Variants in AHCTF1 observed in about 807,000 individuals in gnomAD.
AHCTF1 encodes the protein protein ELYS.
AHCTF1 carries 24 observed loss-of-function variants against 248.4 expected under a neutral mutation model. The observed-to-expected ratio is 0.10, with a 90% CI of 0.07 to 0.14. The LOEUF is 0.14. Among genes scored for constraint, AHCTF1 ranks in the 10% least tolerant of loss-of-function variants. The pLI, the probability that AHCTF1 is intolerant of heterozygous loss-of-function variation, is 1.00. For synonymous variants in AHCTF1, 786 were observed against 929.8 expected, an observed-to-expected ratio of 0.85 and a Z score of 2.81; for missense variants, 2,206 against 2,636.2, an observed-to-expected ratio of 0.84 and a Z score of 3.57.
chr1:246,930,445 T>C (rs1284368983), intron 1 of AHCTF1, among the ~76,000 whole-genome samples: 2 of 152,194 alleles, frequency 1.3e-5, no homozygotes, highest in East Asian at 1.9e-4. Context: ...CCCATAGCGC[T>C]TGGCACACTT....
chr1:246,869,202 T>C (rs1035047521), intron 24 of AHCTF1, among the ~76,000 whole-genome samples: 5 of 152,160 alleles, frequency 3.3e-5, no homozygotes, highest in Non-Finnish European at 5.9e-5. Context: ...CCAGCAAGTC[T>C]ACTGGCACCA....
intron 29 of AHCTF1, among the ~76,000 whole-genome samples, chr1:246,860,070 G>A (rs566580911): frequency 1.3e-5 from 2 of 152,130 alleles, no homozygotes; most frequent in Admixed American, 1.3e-4. Context: ...GACCAGCCTG[G>A]CCAATATGGT....
intron 20 of AHCTF1, among the ~76,000 whole-genome samples, chr1:246,886,530 A>C (rs933142647): frequency 3.9e-5 from 6 of 152,154 alleles, no homozygotes; most frequent in Non-Finnish European, 8.8e-5. Flanking sequence ...TAATTGTTAT[A>C]GTGTAACATC....
intron 21 of AHCTF1, among the ~76,000 whole-genome samples, chr1:246,882,674 C>G (rs1663534637): frequency 6.6e-6 from 1 of 152,138 alleles, no homozygotes; most frequent in African/African-American, 2.4e-5. Context: ...GATTTTTTGG[C>G]TTTCTTGTAC....
At chr1:246,869,983 T>C (rs1662458059) in intron 24 of AHCTF1, among the ~76,000 whole-genome samples, 2 of 152,214 alleles carry the variant, frequency 1.3e-5, no homozygotes. Flanking sequence ...CCATTCTAGA[T>C]GCCATTCAGC....
At chr1:246,892,221 A>G (rs1453243030) in intron 14 of AHCTF1, among the ~76,000 whole-genome samples, 1 of 152,020 alleles carries the variant, frequency 6.6e-6, no homozygotes, top group African/African-American at 2.4e-5. Flanking sequence ...AGTTACATCA[A>G]TATTTAATGT....
chr1:246,872,526 T>A lies in AHCTF1; in HGVS notation c.3088+3511A>T, dbSNP rs534795072. On this transcript the variant is annotated intron_variant, in intron 24 of 35. Coordinates refer to ENST00000648844, the MANE Select transcript of AHCTF1 (RefSeq NM_001323342.2). ...GAGTGACAACAGAACTGCCTTCATT[T>A]ACAAAGTTACTTAGGGGGTGTCCTC... Among the ~76,000 whole-genome samples, 3 of 152,324 alleles carry A rather than the reference T, an allele frequency of 2.0e-5. No homozygotes were observed. The South Asian group carries it at 6.2e-4, about 32-fold the overall frequency.
chr1:246,925,218 T>A (rs995404606), intron 1 of AHCTF1, among the ~76,000 whole-genome samples: 2 of 152,054 alleles, frequency 1.3e-5, no homozygotes, highest in Non-Finnish European at 2.9e-5. Context: ...TTCAGAAGAG[T>A]GCTAATGGAT....
chr1:246,857,657 C>G (rs1661199938), intron 30 of AHCTF1, 34 bp downstream of exon 30: 1 of 1,572,276 alleles, frequency 6.4e-7, no homozygotes, highest in South Asian at 1.2e-5. Context: ...AAACTTCTTT[C>G]TAAAAGTATT....
chr1:246,852,781 A>G (rs1660808664), intron 32 of AHCTF1, among the ~76,000 whole-genome samples: 2 of 152,088 alleles, frequency 1.3e-5, no homozygotes, highest in African/African-American at 4.8e-5. Flanking sequence ...TCCCTGAGAC[A>G]GGATTTTGTT....
Position 246,860,988 on chromosome 1 carries a change from G to A in AHCTF1, c.4043C>T (p.Thr1348Ile). Residue 1348 changes from threonine (T) to isoleucine (I), a missense_variant, in exon 29 of 36, where the codon ACT becomes ATT. This residue lies in a region of AHCTF1 where 955 missense variants were observed against 1,055.6 expected (regional missense o/e 0.90). Coordinates refer to ENST00000648844, the MANE Select transcript of AHCTF1 (RefSeq NM_001323342.2). ...TTCAGTTTGTTCAGTTACATTAGTA[G>A]TTAGTGCAGTGGAAGAGCTTTTGGG... Reference protein sequence around the residue: ...SKPKSSSTALTTNVTEQTEKD... With the variant: ...SKPKSSSTALITNVTEQTEKD... 6.2e-7 allele frequency: 1 copy of A among 1,613,930 alleles called. No homozygotes were observed. Among genetic ancestry groups the A allele is most frequent in the Non-Finnish European group, 8.5e-7 (1 of 1,179,856 alleles).
At chr1:246,897,062 C>T (rs1022206848) in intron 12 of AHCTF1, among the ~76,000 whole-genome samples, 7 of 152,116 alleles carry the variant, frequency 4.6e-5, no homozygotes, top group Non-Finnish European at 7.3e-5. Context: ...ACCTGTAATC[C>T]CAGCACTTTG....
chr1:246,922,765 G>T (rs1387507905), intron 1 of AHCTF1, among the ~76,000 whole-genome samples: 2 of 149,966 alleles, frequency 1.3e-5, no homozygotes, highest in Admixed American at 6.6e-5. Context: ...GGCGGATCAC[G>T]AGGTCAGGAG....
intron 21 of AHCTF1, among the ~76,000 whole-genome samples, chr1:246,884,270 G>C (rs1482660154): frequency 1.3e-5 from 2 of 152,110 alleles, no homozygotes; most frequent in Non-Finnish European, 2.9e-5. Flanking sequence ...ATTTCAACAA[G>C]CACTTGCTAA....
At chr1:246,865,984 A>G (rs2103076661) in intron 26 of AHCTF1, among the ~76,000 whole-genome samples, 1 of 152,286 alleles carries the variant, frequency 6.6e-6, no homozygotes, top group East Asian at 1.9e-4. Flanking sequence ...CATATAAAGA[A>G]TGCATCCTAT....
Position 246,889,841 on chromosome 1 carries a change from G to C in AHCTF1, c.2144+125C>G, listed in dbSNP as rs192955815. 79 of 623,564 alleles carry C rather than the reference G, an allele frequency of 1.3e-4. No individual in the cohort carries two copies. The Admixed American group carries it at 1.7e-3, about 13-fold the overall frequency. 38.6% of individuals were successfully genotyped at this position (623,564 alleles called of 1,614,324 possible). A position where few individuals can be genotyped will look rare whatever the true frequency, so the allele number is the denominator to read the frequency against. On this transcript the variant is annotated intron_variant, in intron 17 of 35. Coordinates refer to ENST00000648844, the MANE Select transcript of AHCTF1 (RefSeq NM_001323342.2). ...AAAAAAGAGAAATAAAATAGTAATG[G>C]TAATAGCAAATTCTGATACTTAACT...
intron 2 of AHCTF1, 152 bp from the exon 3 acceptor site, chr1:246,916,547 C>T: frequency 1.3e-6 from 1 of 770,970 alleles, no homozygotes; most frequent in Non-Finnish European, 2.1e-6. Flanking sequence ...ACTATCATTA[C>T]AATAATAATA....
At chr1:246,902,792 T>C (rs1665098697) in intron 7 of AHCTF1, 117 bp from the exon 8 acceptor site, 2 of 981,254 alleles carry the variant, frequency 2.0e-6, no homozygotes, top group African/African-American at 1.7e-5. Context: ...CAATTTAGAC[T>C]GAAGAGAACC....
chr1:246,899,589 C>T, intron 10 of AHCTF1, 77 bp from the exon 11 acceptor site: 1 of 1,083,082 alleles, frequency 9.2e-7, no homozygotes, highest in Non-Finnish European at 1.4e-6. Context: ...TATCCAATAA[C>T]AGACTGCAAG....
Sources: gnomAD v4.1 joint callset for allele counts (sites outside exome capture counted in the v4.1 genomes callset) on GRCh38, gnomAD v4.1.1 for gene constraint, gnomAD v4.1.1 regional missense constraint, MANE v1.5 for transcripts, NCBI Gene and HGNC (gene_info 2026-07-23, HGNC 2026-07-21) for gene names.